ANKRD44: variants seen among roughly 807,000 people sequenced by gnomAD.
The protein encoded by ANKRD44 is serine/threonine-protein phosphatase 6 regulatory ankyrin repeat subunit B.
In ANKRD44, 35 loss-of-function variants were observed where a neutral mutation model predicts 116.0. That is an observed-to-expected ratio of 0.30 (90% confidence interval 0.23 to 0.40). ANKRD44 has a LOEUF of 0.40. ANKRD44 is among the 10% of genes least tolerant of loss of function. The probability of loss-of-function intolerance (pLI) is 1.00; values close to 1 mark genes in which losing one functional copy is unlikely to be tolerated. For missense variants in ANKRD44, 1,014 were observed against 1,242.6 expected, an observed-to-expected ratio of 0.82 and a Z score of 2.77; for synonymous variants, 435 against 461.8, an observed-to-expected ratio of 0.94 and a Z score of 0.74.
intron 16 of ANKRD44, among the ~76,000 whole-genome samples, chr2:197,063,734 A>C (rs2077369989): frequency 6.6e-6 from 1 of 152,196 alleles, no homozygotes; most frequent in South Asian, 2.1e-4. Flanking sequence ...GAAATGAAAC[A>C]AGAAGAGAAG....
At chr2:197,260,507 A>C (rs1226895458) in intron 1 of ANKRD44, among the ~76,000 whole-genome samples, 1 of 152,084 alleles carries the variant, frequency 6.6e-6, no homozygotes, top group Non-Finnish European at 1.5e-5. Context: ...GTTGGTTCCA[A>C]GTCTTTGCTA....
chr2:197,260,789 A>G (rs1017203781), intron 1 of ANKRD44, among the ~76,000 whole-genome samples: 1 of 145,266 alleles, frequency 6.9e-6, no homozygotes, highest in African/African-American at 2.6e-5. Context: ...CTGGTGTGAG[A>G]TGGTATCTCA....
At chr2:197,199,566 T>A (rs2081045539) in intron 1 of ANKRD44, among the ~76,000 whole-genome samples, 1 of 152,202 alleles carries the variant, frequency 6.6e-6, no homozygotes, top group South Asian at 2.1e-4. Context: ...TATGAGATTA[T>A]CGTTATTTAT....
chr2:197,201,955 C>A lies in ANKRD44; in HGVS notation c.28-14849G>T, dbSNP rs1370156141. Among the ~76,000 whole-genome samples the A allele has an allele frequency of 6.6e-6, 1 of 152,188 alleles. No homozygotes were observed. The highest frequency in any genetic ancestry group is 1.5e-5 in the Non-Finnish European group (1 of 68,034). ...TGTTACCTCATCACCATGTAACATTCCAAGGGTTTAAAATGCACAATACAA... is the reference window on the plus strand; with the variant it reads ...TGTTACCTCATCACCATGTAACATTACAAGGGTTTAAAATGCACAATACAA... On this transcript the variant is annotated intron_variant, in intron 1 of 27. Coordinates refer to ENST00000282272, the MANE Select transcript of ANKRD44 (RefSeq NM_001195144.2). The surrounding 1 kb of genome is among the most constrained non-coding windows in gnomAD (Gnocchi z 4.0).
intron 17 of ANKRD44, chr2:197,015,144 A>G (rs1469059590): frequency 1.7e-5 from 4 of 241,922 alleles, no homozygotes; most frequent in Non-Finnish European, 3.3e-5. Flanking sequence ...TTTGTGACCT[A>G]CTCTTGTGTT....
intron 9 of ANKRD44, among the ~76,000 whole-genome samples, chr2:197,107,257 A>G (rs962718808): frequency 6.6e-6 from 1 of 152,194 alleles, no homozygotes; most frequent in African/African-American, 2.4e-5. Flanking sequence ...CTAACCTACA[A>G]CTTGACTCTT....
intron 8 of ANKRD44, among the ~76,000 whole-genome samples, chr2:197,120,659 A>G (rs2078831020): frequency 6.6e-6 from 1 of 152,118 alleles, no homozygotes; most frequent in East Asian, 1.9e-4. Flanking sequence ...CTCAAAAAAA[A>G]AAAGAAAGAA....
chr2:197,248,136 A>G (rs1300323911), intron 1 of ANKRD44, among the ~76,000 whole-genome samples: 1 of 152,228 alleles, frequency 6.6e-6, no homozygotes, highest in African/African-American at 2.4e-5. Flanking sequence ...GACAGAGTGC[A>G]AAACGCAATT....
chr2:197,002,158 T>C (rs1257798859), intron 21 of ANKRD44, among the ~76,000 whole-genome samples: 1 of 152,234 alleles, frequency 6.6e-6, no homozygotes, highest in African/African-American at 2.4e-5. Flanking sequence ...CACACAGGCA[T>C]GCTTCAATTT....
intron 2 of ANKRD44, chr2:197,147,931 T>G (rs756984003): frequency 2.2e-6 from 1 of 454,388 alleles, no homozygotes; most frequent in Admixed American, 2.4e-5. Context: ...TAAAATTTCC[T>G]CAAGATTCCA....
intron 1 of ANKRD44, among the ~76,000 whole-genome samples, chr2:197,293,895 A>G (rs2083641786): frequency 6.6e-6 from 1 of 152,240 alleles, no homozygotes; most frequent in Non-Finnish European, 1.5e-5. Context: ...ATTCTATCAC[A>G]GGGTGTTTAT....
At chr2:197,173,334 A>G (rs1222865191) in intron 2 of ANKRD44, among the ~76,000 whole-genome samples, 3 of 152,218 alleles carry the variant, frequency 2.0e-5, no homozygotes, top group African/African-American at 7.2e-5. Flanking sequence ...CCCTTTCTAA[A>G]TAAAACTTTG....
chr2:197,305,964 G>GTT (rs1197887500), intron 1 of ANKRD44, among the ~76,000 whole-genome samples: 4 of 116,766 alleles, frequency 3.4e-5, no homozygotes, highest in Admixed American at 1.6e-4. Context: ...ACCGCAGTTC[G>GTT]TTTTATATAT....
chr2:197,245,015 C>T (rs191289529), intron 1 of ANKRD44, among the ~76,000 whole-genome samples: 124 of 152,270 alleles, frequency 8.1e-4, no homozygotes, highest in Admixed American at 7.8e-3. Context: ...TAGCTCATGC[C>T]TGTAAATCCA....
intron 1 of ANKRD44, among the ~76,000 whole-genome samples, chr2:197,260,689 A>T (rs2082578419): frequency 6.6e-6 from 1 of 152,202 alleles, no homozygotes; most frequent in Middle Eastern, 3.4e-3. Context: ...ACTAGTTTAC[A>T]GTCCCACCAA....
At chr2:197,058,346 G>A (rs1350510856) in intron 16 of ANKRD44, among the ~76,000 whole-genome samples, 1 of 150,564 alleles carries the variant, frequency 6.6e-6, no homozygotes, top group Non-Finnish European at 1.5e-5. Context: ...AAGCACTGGA[G>A]TTGAATTGGA....
intron 2 of ANKRD44, among the ~76,000 whole-genome samples, chr2:197,147,529 GACATTAA>G (rs1409112604): frequency 2.0e-5 from 3 of 151,918 alleles, no homozygotes; most frequent in Admixed American, 2.0e-4. Flanking sequence ...GGTTCACAAG[GACATTAA>G]ACATTAAACA....
At chr2:197,276,313 C>T (rs897690455) in intron 1 of ANKRD44, among the ~76,000 whole-genome samples, 2 of 142,906 alleles carry the variant, frequency 1.4e-5, no homozygotes, top group Non-Finnish European at 1.5e-5. Flanking sequence ...AAAAAAAGAA[C>T]TTTGCTAAGA....
intron 1 of ANKRD44, among the ~76,000 whole-genome samples, chr2:197,207,085 T>G (rs912715081): frequency 4.6e-5 from 7 of 152,214 alleles, no homozygotes; most frequent in African/African-American, 1.7e-4. Flanking sequence ...AATGTGGCCG[T>G]GCACTAAATT....
Sources: gnomAD v4.1 joint callset for allele counts (sites outside exome capture counted in the v4.1 genomes callset) on GRCh38, gnomAD v4.1.1 for gene constraint, Gnocchi (gnomAD v3.1) non-coding constraint, MANE v1.5 for transcripts, NCBI Gene and HGNC (gene_info 2026-07-23, HGNC 2026-07-21) for gene names.